C1QTNF3: variants seen among roughly 807,000 people sequenced by gnomAD.
The protein encoded by C1QTNF3 is C1q and TNF related 3.
C1QTNF3 carries 26 observed loss-of-function variants against 32.6 expected under a neutral mutation model. That is an observed-to-expected ratio of 0.80 (90% confidence interval 0.58 to 1.11). The LOEUF (loss-of-function observed/expected upper bound fraction) is 1.11, where lower values mean the gene tolerates loss of function less well. C1QTNF3 is among the 50% of genes least tolerant of loss of function. The probability of loss-of-function intolerance (pLI) is 0.00; values close to 1 mark genes in which losing one functional copy is unlikely to be tolerated. For synonymous variants in C1QTNF3, 155 were observed against 146.0 expected, an observed-to-expected ratio of 1.06 and a Z score of -0.44; for missense variants, 362 against 398.2, an observed-to-expected ratio of 0.91 and a Z score of 0.77.
the C1QTNF3 span, chr5:34,164,653 A>G: frequency 6.6e-6 from 1 of 152,058 alleles, no homozygotes; most frequent in Non-Finnish European, 1.5e-5. Flanking sequence ...AGGAGTGCTC[A>G]AGAAGGGAAG....
chr5:34,041,744 C>T (rs1320233650), intron 1 of C1QTNF3, among the ~76,000 whole-genome samples: 1 of 151,940 alleles, frequency 6.6e-6, no homozygotes, highest in Admixed American at 6.6e-5. Context: ...TGGGCAACTG[C>T]CTTGTGTGGT....
At chr5:34,225,164 A>G in the C1QTNF3 span, among the ~76,000 whole-genome samples, 4 of 151,920 alleles carry the variant, frequency 2.6e-5, no homozygotes, top group Non-Finnish European at 5.9e-5. Flanking sequence ...AAATTTCACA[A>G]CCTTTTAGTG....
chr5:34,104,016 T>C, the C1QTNF3 span, among the ~76,000 whole-genome samples: 184 of 144,746 alleles, frequency 1.3e-3, no homozygotes, highest in Middle Eastern at 3.5e-3. Context: ...ACTCCCAATA[T>C]GATATGTGGA....
At chr5:34,138,720 AATTTG>A in the C1QTNF3 span, among the ~76,000 whole-genome samples, 1 of 152,190 alleles carries the variant, frequency 6.6e-6, no homozygotes, top group Non-Finnish European at 1.5e-5. Context: ...TACATTAATC[AATTTG>A]ATTTTATTTT....
the C1QTNF3 span, among the ~76,000 whole-genome samples, chr5:34,058,333 G>C: frequency 6.0e-4 from 91 of 152,184 alleles, no homozygotes; most frequent in Admixed American, 5.2e-3. Context: ...GCTGATTTAG[G>C]GTGAAGAGTG....
the C1QTNF3 span, among the ~76,000 whole-genome samples, chr5:34,057,155 A>T: frequency 2.6e-5 from 4 of 152,238 alleles, no homozygotes; most frequent in Non-Finnish European, 4.4e-5. Flanking sequence ...CACTTGATTG[A>T]CATGCGACAA....
At chr5:34,225,852 C>G in the C1QTNF3 span, among the ~76,000 whole-genome samples, 1 of 151,812 alleles carries the variant, frequency 6.6e-6, no homozygotes, top group Non-Finnish European at 1.5e-5. Flanking sequence ...ATTAAGAAGT[C>G]AGGTTCAATG....
the C1QTNF3 span, among the ~76,000 whole-genome samples, chr5:34,120,508 T>C: frequency 1.3e-5 from 2 of 152,236 alleles, no homozygotes; most frequent in Non-Finnish European, 1.5e-5. Flanking sequence ...CTGGTATGAT[T>C]TGGTTGTGTC....
At chr5:34,114,034 CA>C in the C1QTNF3 span, among the ~76,000 whole-genome samples, 7 of 152,158 alleles carry the variant, frequency 4.6e-5, no homozygotes, top group Non-Finnish European at 7.3e-5. Flanking sequence ...AAATCTCACA[CA>C]TTTTTTTTCT....
the C1QTNF3 span, among the ~76,000 whole-genome samples, chr5:34,235,004 C>T: frequency 6.6e-6 from 1 of 152,048 alleles, no homozygotes; most frequent in Admixed American, 6.5e-5. Flanking sequence ...ACAGTTCTTT[C>T]CTAGGTATAA....
chr5:34,197,898 T>A, the C1QTNF3 span, among the ~76,000 whole-genome samples: 25 of 152,222 alleles, frequency 1.6e-4, no homozygotes, highest in Non-Finnish European at 2.6e-4. Context: ...CTAGCTCACA[T>A]GGCAGAAGGG....
the C1QTNF3 span, among the ~76,000 whole-genome samples, chr5:34,208,129 T>C: frequency 1.4e-3 from 215 of 152,310 alleles, 1 homozygote; most frequent in African/African-American, 4.8e-3. Context: ...AATGAATGAT[T>C]ATTTAGTCTT....
At chr5:34,116,089 A>C in the C1QTNF3 span, among the ~76,000 whole-genome samples, 2 of 152,092 alleles carry the variant, frequency 1.3e-5, no homozygotes, top group African/African-American at 4.8e-5. Context: ...ATTCATCTCA[A>C]AGCATTTTCA....
intron 3 of C1QTNF3, 54 bp from the exon 4 acceptor site, chr5:34,028,937 G>C: frequency 6.6e-7 from 1 of 1,520,434 alleles, no homozygotes; most frequent in Admixed American, 1.8e-5. Context: ...AAGAAGTCAA[G>C]TTTTTATGCA....
chr5:34,146,876 T>C, the C1QTNF3 span, among the ~76,000 whole-genome samples: 2 of 152,166 alleles, frequency 1.3e-5, no homozygotes, highest in African/African-American at 4.8e-5. Context: ...GTAGACAACC[T>C]ATAGAGTGGG....
At chr5:34,138,045 C>A in the C1QTNF3 span, among the ~76,000 whole-genome samples, 4 of 152,182 alleles carry the variant, frequency 2.6e-5, no homozygotes, top group Non-Finnish European at 5.9e-5. Flanking sequence ...GACAAATGCA[C>A]ACACTAAGAG....
chr5:34,236,819 G>A, the C1QTNF3 span, among the ~76,000 whole-genome samples: 5 of 151,704 alleles, frequency 3.3e-5, no homozygotes, highest in South Asian at 2.1e-4. Context: ...CAGGTGATCC[G>A]CCCACCTTGG....
the C1QTNF3 span, among the ~76,000 whole-genome samples, chr5:34,229,730 T>C: frequency 3.3e-5 from 5 of 152,204 alleles, no homozygotes; most frequent in African/African-American, 9.6e-5. Context: ...AACTGAATAT[T>C]TGTGTCTCCC....
the C1QTNF3 span, among the ~76,000 whole-genome samples, chr5:34,224,893 A>C: frequency 2.6e-5 from 4 of 152,200 alleles, no homozygotes; most frequent in Non-Finnish European, 5.9e-5. Flanking sequence ...AAATTTTCGC[A>C]ATCTACTCAT....
Sources: gnomAD v4.1 joint callset for allele counts (sites outside exome capture counted in the v4.1 genomes callset) on GRCh38, gnomAD v4.1.1 for gene constraint, MANE v1.5 for transcripts, NCBI Gene and HGNC (gene_info 2026-07-23, HGNC 2026-07-21) for gene names.